Variants in OR7C1 observed in about 807,000 individuals in gnomAD.
The protein encoded by OR7C1 is olfactory receptor 7C1.
For synonymous variants in OR7C1, 152 were observed against 160.7 expected (o/e 0.95, Z 0.41); for missense variants, 324 against 383.3 (o/e 0.85, Z 1.29).
intron 2 of OR7C1, among the ~76,000 whole-genome samples, chr19:14,808,101 A>T (rs1286727597): frequency 5.5e-5 from 3 of 54,786 alleles, no homozygotes; most frequent in Admixed American, 1.4e-4. Flanking sequence ...TAAAGAAATA[A>T]AAAAAAAAAA....
At chr19:14,805,992 A>G (rs2044664790) in intron 2 of OR7C1, among the ~76,000 whole-genome samples, 1 of 151,918 alleles carries the variant, frequency 6.6e-6, no homozygotes, top group African/African-American at 2.4e-5. Flanking sequence ...AATTGGAGAC[A>G]CCAAATTAAT....
intron 2 of OR7C1, among the ~76,000 whole-genome samples, chr19:14,808,477 A>G (rs1005196572): frequency 1.3e-5 from 2 of 152,056 alleles, no homozygotes; most frequent in African/African-American, 4.8e-5. Flanking sequence ...AGCAACATGG[A>G]TGGAACTGGA....
chr19:14,803,928 C>T (rs1221267117), intron 2 of OR7C1, among the ~76,000 whole-genome samples: 1 of 151,998 alleles, frequency 6.6e-6, no homozygotes, highest in Non-Finnish European at 1.5e-5. Flanking sequence ...CCATGATGGT[C>T]TTGATCTCCT....
intron 1 of OR7C1, chr19:14,827,537 G>A (rs1026181676): frequency 6.2e-7 from 1 of 1,613,998 alleles, no homozygotes. Flanking sequence ...AAAATGCCTT[G>A]TACTTCCCCT....
At chr19:14,815,926 ATCC>A (rs1343300148) in intron 1 of OR7C1, among the ~76,000 whole-genome samples, 2 of 151,808 alleles carry the variant, frequency 1.3e-5, no homozygotes, top group Non-Finnish European at 2.9e-5. Flanking sequence ...AGCTCAAACG[ATCC>A]TCCCACCTCA....
chr19:14,820,079 T>G (rs1191020422), intron 1 of OR7C1, among the ~76,000 whole-genome samples: 1 of 152,068 alleles, frequency 6.6e-6, no homozygotes, highest in Non-Finnish European at 1.5e-5. Context: ...CCAGCTAATT[T>G]TTTGTATTTG....
At chr19:14,802,471 G>A (rs2044646661) in intron 2 of OR7C1, among the ~76,000 whole-genome samples, 1 of 152,236 alleles carries the variant, frequency 6.6e-6, no homozygotes, top group Admixed American at 6.5e-5. Context: ...AGTGAGCCGA[G>A]ATTGTACCAC....
intron 1 of OR7C1, among the ~76,000 whole-genome samples, chr19:14,828,997 A>G (rs2044804691): frequency 6.6e-6 from 1 of 152,114 alleles, no homozygotes; most frequent in African/African-American, 2.4e-5. Context: ...CTTGGAAAAT[A>G]AACAAAGCAG....
chr19:14,822,026 G>C (rs1409713285), intron 1 of OR7C1, among the ~76,000 whole-genome samples: 1 of 152,190 alleles, frequency 6.6e-6, no homozygotes, highest in African/African-American at 2.4e-5. Context: ...GGTCACAAAT[G>C]ACAGGATTTC....
At chr19:14,798,950 T>TTGA (rs2044624457) in exon 5 of OR7C1, 1 of 452,502 alleles carries the variant, frequency 2.2e-6, no homozygotes, top group African/African-American at 2.0e-5. Flanking sequence ...TTTCAGGCTG[T>TTGA]TCTTTGTTAG....
intron 1 of OR7C1, among the ~76,000 whole-genome samples, chr19:14,818,062 T>TTTTATTTAA (rs1555695182): frequency 7.2e-6 from 1 of 139,460 alleles, no homozygotes; most frequent in Admixed American, 7.3e-5. Context: ...ATTTTATTTA[T>TTTTATTTAA]TTTATTTATT....
chr19:14,812,535 T>C (rs2044696108), intron 1 of OR7C1, among the ~76,000 whole-genome samples: 1 of 152,106 alleles, frequency 6.6e-6, no homozygotes, highest in Non-Finnish European at 1.5e-5. Flanking sequence ...CTTGCTCAAA[T>C]CAATCATGAC....
At chr19:14,818,062 T>TTTTATTTTATTTTA (rs1555695178) in intron 1 of OR7C1, among the ~76,000 whole-genome samples, 1 of 139,460 alleles carries the variant, frequency 7.2e-6, no homozygotes, top group Non-Finnish European at 1.5e-5. Context: ...ATTTTATTTA[T>TTTTATTTTATTTTA]TTTATTTATT....
At chr19:14,812,452 A>G (rs1197119889) in intron 1 of OR7C1, among the ~76,000 whole-genome samples, 2 of 152,176 alleles carry the variant, frequency 1.3e-5, no homozygotes, top group African/African-American at 2.4e-5. Context: ...ATAAAAGAAC[A>G]TTTTGAAACT....
intron 2 of OR7C1, among the ~76,000 whole-genome samples, chr19:14,808,077 C>CA (rs1242551695): frequency 1.4e-5 from 2 of 144,336 alleles, no homozygotes; most frequent in Non-Finnish European, 3.0e-5. Flanking sequence ...TTACACCAGT[C>CA]AGAATGGTTA....
At chr19:14,799,079 G>C (rs2044625328) in exon 5 of OR7C1, 1 of 1,446,546 alleles carries the variant, frequency 6.9e-7, no homozygotes, top group Non-Finnish European at 9.3e-7. Flanking sequence ...GACACGATAA[G>C]ATATGGTAAT....
intron 2 of OR7C1, among the ~76,000 whole-genome samples, chr19:14,802,700 C>T (rs755556460): frequency 1.4e-4 from 21 of 152,126 alleles, no homozygotes; most frequent in Non-Finnish European, 2.2e-4. Context: ...ATGATGGACA[C>T]GCTGACATGT....
chr19:14,816,079 C>G (rs1300080824), intron 1 of OR7C1, among the ~76,000 whole-genome samples: 1 of 152,136 alleles, frequency 6.6e-6, no homozygotes, highest in Non-Finnish European at 1.5e-5. Context: ...CCCCACTTGG[C>G]CTCCCAAAAT....
chr19:14,827,822 G>A, intron 1 of OR7C1: 1 of 1,614,224 alleles, frequency 6.2e-7, no homozygotes, highest in Non-Finnish European at 8.5e-7. Context: ...GCAGTCCACA[G>A]AGGTGAGGGT....
Sources: allele counts gnomAD v4.1 joint callset (sites outside exome capture counted in the v4.1 genomes callset), GRCh38; gene constraint gnomAD v4.1.1; transcripts MANE v1.5; gene names NCBI Gene and HGNC (gene_info 2026-07-23, HGNC 2026-07-21).